The following ECM2 variants were observed in gnomAD, a reference collection of about 807,000 sequenced individuals.
ECM2 encodes the protein extracellular matrix protein 2, female organ and adipocyte specific.
In ECM2, 57 loss-of-function variants were observed where a neutral mutation model predicts 67.5. The ratio of observed to expected loss-of-function variants is 0.84; its 90% confidence interval spans 0.68 to 1.05. ECM2 has a LOEUF of 1.05. Ranked by LOEUF, ECM2 falls within the 50% of genes least tolerant of loss-of-function variation. ECM2 has a pLI of 0.00. For missense variants in ECM2, 741 were observed against 822.8 expected (o/e 0.90, Z 1.22); for synonymous variants, 258 against 294.5 (o/e 0.88, Z 1.27).
Position 92,496,361 on chromosome 9 carries a change from A to T in ECM2, c.2054T>A (p.Ile685Lys), listed in dbSNP as rs1209938219. ...AAGAACGATACTTGAGTATGATCTT[A>T]TGCATGAAAATGTGTAAGATGGTAT... ...REIPSYTFSC[I>K]RSYSSIVLKP... Residue 685 changes from isoleucine to lysine, a missense_variant, in exon 10 of 10, where the codon ATA (isoleucine) becomes AAA (lysine). Ile to Lys is a moderately radical substitution (Grantham distance 102). Coordinates refer to ENST00000344604, the MANE Select transcript of ECM2 (RefSeq NM_001393.4). 1.9e-6 allele frequency: 3 copies of T among 1,605,720 alleles called. No individual in the cohort carries two copies. The highest frequency in any genetic ancestry group is 4.5e-5 in the East Asian group (2 of 44,374).
chr9:92,539,023 T>G (rs1161404245), upstream of ECM2: 1 of 152,150 alleles, frequency 6.6e-6, no homozygotes, highest in Admixed American at 6.5e-5. Flanking sequence ...ATTTTGGAAA[T>G]TTTAAGTAGG....
rs545748225 is a variant in ECM2 at position 92,513,595 on chromosome 9, A to T, written c.1054+1036T>A. On this transcript the variant is annotated intron_variant, in intron 4 of 9. Coordinates refer to ENST00000344604, the MANE Select transcript of ECM2 (RefSeq NM_001393.4). ...CCCTGCCCCATCCACATGATGGAAC[A>T]CTACTTGGCAGAAGAGAGGAATGAA... Among the ~76,000 whole-genome samples the T allele has an allele frequency of 1.3e-3, 192 of 152,318 alleles. 1 individual carries two copies. Among genetic ancestry groups the T allele is most frequent in the Non-Finnish European group, 1.9e-3 (126 of 68,028 alleles).
intron 3 of ECM2, chr9:92,517,294 C>T: frequency 2.0e-5 from 5 of 255,756 alleles, no homozygotes; most frequent in South Asian, 1.3e-4. Context: ...CTTTGTTTAC[C>T]CTGGCTTCAA....
upstream of ECM2, among the ~76,000 whole-genome samples, chr9:92,539,932 G>T (rs946516661): frequency 8.5e-5 from 13 of 152,078 alleles, no homozygotes; most frequent in Non-Finnish European, 2.9e-5. Flanking sequence ...TTTCCAGGTT[G>T]CTTTCCAAAA....
At chr9:92,539,408 G>A (rs530656650), upstream of ECM2, among the ~76,000 whole-genome samples, 156 of 145,270 alleles carry the variant, frequency 1.1e-3, 2 homozygotes, top group Middle Eastern at 7.5e-3. Flanking sequence ...GTTGATTAGG[G>A]TATTTAGCTG....
At chr9:92,530,405 T>C (rs1263934742) in intron 1 of ECM2, among the ~76,000 whole-genome samples, 4 of 152,136 alleles carry the variant, frequency 2.6e-5, no homozygotes, top group African/African-American at 9.7e-5. Flanking sequence ...TAAAACTGCT[T>C]TGAAAAAAAG....
At chr9:92,528,214 A>C (rs1163636143) in intron 1 of ECM2, among the ~76,000 whole-genome samples, 1 of 152,218 alleles carries the variant, frequency 6.6e-6, no homozygotes, top group Non-Finnish European at 1.5e-5. Flanking sequence ...TTAAACAAAG[A>C]GCAGTCCAGG....
chr9:92,553,576 T>C, the ECM2 span, among the ~76,000 whole-genome samples: 1 of 152,190 alleles, frequency 6.6e-6, no homozygotes, highest in African/African-American at 2.4e-5. Context: ...TCATCTATGA[T>C]TTCTTTCAGC....
chr9:92,555,150 T>C, the ECM2 span, among the ~76,000 whole-genome samples: 1 of 151,670 alleles, frequency 6.6e-6, no homozygotes, highest in East Asian at 1.9e-4. Flanking sequence ...TGGTATCAAT[T>C]CTTCTTTGAA....
At chr9:92,530,330 ATTT>A (rs940496294) in intron 1 of ECM2, among the ~76,000 whole-genome samples, 22 of 152,278 alleles carry the variant, frequency 1.4e-4, no homozygotes, top group Admixed American at 1.4e-3. Flanking sequence ...ATGGTGTGAG[ATTT>A]TGATAGTAGG....
the ECM2 span, among the ~76,000 whole-genome samples, chr9:92,549,559 A>G: frequency 6.6e-6 from 1 of 151,942 alleles, no homozygotes; most frequent in Middle Eastern, 3.4e-3. Context: ...AGGCAGGACA[A>G]TCACTTGAAC....
At chr9:92,502,801 TG>T in intron 7 of ECM2, 149 bp from the exon 8 acceptor site, 7 of 642,622 alleles carry the variant, frequency 1.1e-5, no homozygotes, top group South Asian at 2.7e-5. Flanking sequence ...ATTTTTAAGT[TG>T]TCTTTTTTTT....
At chr9:92,505,078 A>G (rs369904047) in intron 7 of ECM2, among the ~76,000 whole-genome samples, 32 of 152,328 alleles carry the variant, frequency 2.1e-4, no homozygotes, top group African/African-American at 6.5e-4. Context: ...TTCTTTGTAC[A>G]ACACTTGTAT....
At chr9:92,553,535 T>C in the ECM2 span, among the ~76,000 whole-genome samples, 1 of 152,336 alleles carries the variant, frequency 6.6e-6, no homozygotes, top group East Asian at 1.9e-4. Flanking sequence ...TACCCATCCA[T>C]GAGCATGGGA....
At chr9:92,525,826 G>T (rs117521165) in intron 1 of ECM2, among the ~76,000 whole-genome samples, 1 of 147,288 alleles carries the variant, frequency 6.8e-6, no homozygotes, top group Non-Finnish European at 1.5e-5. Context: ...GGAGGCGGAG[G>T]TTGCACTGAG....
chr9:92,494,198 GTC>G, downstream of ECM2: 1 of 1,564,344 alleles, frequency 6.4e-7, no homozygotes, highest in African/African-American at 1.3e-5. Flanking sequence ...TTTAGTATCT[GTC>G]TCTGTGTCAT....
chr9:92,522,867 G>A lies in ECM2; in HGVS notation c.-1C>T. The A allele has an allele frequency of 6.3e-7, 1 of 1,589,040 alleles. No homozygotes were observed. Among genetic ancestry groups the A allele is most frequent in the Non-Finnish European group, 8.5e-7 (1 of 1,171,754 alleles). On this transcript the variant is annotated 5_prime_UTR_variant, in exon 2 of 10. Transcript: ENST00000344604. ...AACAAAACAAAACTGCAATCTTCAT[G>A]TTTGATTTTTTTCCACCAGCCAATT...
intron 1 of ECM2, among the ~76,000 whole-genome samples, chr9:92,525,994 ATACTT>A (rs1351285982): frequency 6.6e-6 from 1 of 151,846 alleles, no homozygotes; most frequent in Non-Finnish European, 1.5e-5. Flanking sequence ...TTACTATACT[ATACTT>A]TTTATCATTG....
Position 92,522,574 on chromosome 9 carries a change from C to T in ECM2, c.292+1G>A, listed in dbSNP as rs1294321902. 1 of 1,605,176 alleles carries T rather than the reference C, an allele frequency of 6.2e-7. No homozygotes were observed. Among genetic ancestry groups the T allele is most frequent in the Non-Finnish European group, 8.5e-7 (1 of 1,174,758 alleles). ...GTCTCTCTCTCATAGTGTTCTCTTACCTGGTAACACATTATAACTTGATTC... is the reference window on the plus strand; with the variant it reads ...GTCTCTCTCTCATAGTGTTCTCTTATCTGGTAACACATTATAACTTGATTC... On this transcript the variant is annotated splice_donor_variant, in intron 2 of 9. Coordinates refer to ENST00000344604, the MANE Select transcript of ECM2 (RefSeq NM_001393.4). LOFTEE classifies it high-confidence loss of function.
Sources: gnomAD v4.1 joint callset for allele counts (sites outside exome capture counted in the v4.1 genomes callset) on GRCh38, gnomAD v4.1.1 for gene constraint, MANE v1.5 for transcripts, NCBI Gene and HGNC (gene_info 2026-07-23, HGNC 2026-07-21) for gene names.